GRID1: variants seen among roughly 807,000 people sequenced by gnomAD.
GRID1 encodes glutamate receptor ionotropic, delta-1.
In GRID1, 28 loss-of-function variants were observed where a neutral mutation model predicts 98.0. The observed-to-expected ratio is 0.29, with a 90% confidence interval of 0.21 to 0.39. GRID1 has a LOEUF of 0.39. Ranked by LOEUF, GRID1 falls within the 10% of genes least tolerant of loss-of-function variation. The pLI is 1.00. For missense variants in GRID1, 1,111 were observed against 1,340.5 expected, an observed-to-expected ratio of 0.83 and a Z score of 2.67; for synonymous variants, 553 against 538.5, an observed-to-expected ratio of 1.03 and a Z score of -0.37.
At position 86,334,069 on chromosome 10, in the gene GRID1, CA is replaced by C. The variant is rs199809496; in HGVS notation, c.235+29871del. On this transcript the variant is annotated intron_variant, in intron 2 of 15. Transcript: ENST00000327946. ...GCCAGGGGAAGCCCCTCACCTCCTA[CA>C]TCACTCATGGCAAAGGCTGCCTCCC... 5.8e-3 allele frequency among the ~76,000 whole-genome samples: 876 copies of C among 152,080 alleles called. 10 individuals carry two copies. Among genetic ancestry groups the C allele is most frequent in the African/African-American group, 0.02 (831 of 41,476 alleles).
At chr10:86,221,818 A>T (rs1003525440) in intron 2 of GRID1, among the ~76,000 whole-genome samples, 2 of 152,136 alleles carry the variant, frequency 1.3e-5, no homozygotes, top group Non-Finnish European at 2.9e-5. Context: ...ACCTGCTCAG[A>T]GCTTGCTTCT....
At chr10:86,248,476 T>C (rs1334729668) in intron 2 of GRID1, among the ~76,000 whole-genome samples, 1 of 152,168 alleles carries the variant, frequency 6.6e-6, no homozygotes, top group Non-Finnish European at 1.5e-5. Flanking sequence ...TTGAAAGTTT[T>C]CTTTCTGCAC....
At chr10:86,356,221 G>A (rs988731193) in intron 2 of GRID1, among the ~76,000 whole-genome samples, 3 of 152,204 alleles carry the variant, frequency 2.0e-5, no homozygotes, top group Admixed American at 6.5e-5. Context: ...GGGACAAGTC[G>A]CTGAGTACAC....
intron 2 of GRID1, among the ~76,000 whole-genome samples, chr10:86,352,620 C>T (rs1400063894): frequency 3.3e-5 from 5 of 152,302 alleles, no homozygotes; most frequent in Admixed American, 2.6e-4. Flanking sequence ...ACCCTTATGA[C>T]CCCATCTAAA....
chr10:85,994,936 C>T (rs758054076), intron 4 of GRID1, among the ~76,000 whole-genome samples: 7 of 152,212 alleles, frequency 4.6e-5, no homozygotes, highest in Non-Finnish European at 1.0e-4. Context: ...AACATTTCCA[C>T]CTGGCTGAAA....
intron 2 of GRID1, among the ~76,000 whole-genome samples, chr10:86,210,569 C>T (rs1273157579): frequency 6.6e-6 from 1 of 152,182 alleles, no homozygotes; most frequent in Non-Finnish European, 1.5e-5. Flanking sequence ...ATCTTAAGTA[C>T]TAGTAGTCAC....
chr10:85,716,568 A>T (rs960566932), intron 12 of GRID1, among the ~76,000 whole-genome samples: 1 of 150,382 alleles, frequency 6.6e-6, no homozygotes, highest in Non-Finnish European at 1.5e-5. Context: ...TAATAATAAT[A>T]AAATAAAATA....
intron 4 of GRID1, among the ~76,000 whole-genome samples, chr10:85,957,820 C>G (rs1459885123): frequency 6.6e-6 from 1 of 152,176 alleles, no homozygotes; most frequent in East Asian, 1.9e-4. Context: ...TAATGGAAAG[C>G]TAGGCTGGGG....
At chr10:85,968,369 T>C (rs975931086) in intron 4 of GRID1, among the ~76,000 whole-genome samples, 2 of 146,578 alleles carry the variant, frequency 1.4e-5, no homozygotes, top group Non-Finnish European at 3.0e-5. Context: ...GAGAATGGCA[T>C]GAACCCGGGA....
At chr10:85,957,952 G>A (rs1443440352) in intron 4 of GRID1, among the ~76,000 whole-genome samples, 2 of 152,174 alleles carry the variant, frequency 1.3e-5, no homozygotes, top group African/African-American at 2.4e-5. Flanking sequence ...CCCAAATTGA[G>A]CTACTTTTAA....
intron 4 of GRID1, among the ~76,000 whole-genome samples, chr10:86,026,306 T>C (rs1285147088): frequency 6.6e-6 from 1 of 152,174 alleles, no homozygotes; most frequent in Non-Finnish European, 1.5e-5. Flanking sequence ...AGCGCAGAAA[T>C]GCTTGCTTTC....
intron 4 of GRID1, among the ~76,000 whole-genome samples, chr10:86,093,037 A>T (rs1844170712): frequency 6.6e-6 from 1 of 152,238 alleles, no homozygotes; most frequent in African/African-American, 2.4e-5. Context: ...GCACTCTCCC[A>T]GTCTACAGTG....
rs545793727 is a variant in GRID1, at chr10:85,985,990, C to G, written c.727-69751G>C. 1.8e-4 allele frequency among the ~76,000 whole-genome samples: 28 copies of G among 152,322 alleles called. No homozygotes were observed. The South Asian group carries it at 2.9e-3, about 16-fold the overall frequency. Reference sequence around the variant, plus strand: ...AGAAGAAAAATATTAATACCCACCCCACAGGGATGTGGTGGAGACAAAGCA... The same window carrying G: ...AGAAGAAAAATATTAATACCCACCCGACAGGGATGTGGTGGAGACAAAGCA... On this transcript the variant is annotated intron_variant, in intron 4 of 15. Transcript: ENST00000327946.
At chr10:85,714,671 A>C (rs1310316545) in intron 12 of GRID1, among the ~76,000 whole-genome samples, 1 of 152,118 alleles carries the variant, frequency 6.6e-6, no homozygotes. Flanking sequence ...TCTGGTGTAT[A>C]AATTACACCA....
At chr10:86,293,755 GCATTCATTCATT>G (rs144132084) in intron 2 of GRID1, among the ~76,000 whole-genome samples, 1 of 151,798 alleles carries the variant, frequency 6.6e-6, no homozygotes, top group Non-Finnish European at 1.5e-5. Flanking sequence ...GGGGTGGAAT[GCATTCATTCATT>G]CATTCATTCA....
At chr10:86,239,311 C>T (rs1010548853) in intron 2 of GRID1, among the ~76,000 whole-genome samples, 5 of 152,206 alleles carry the variant, frequency 3.3e-5, no homozygotes, top group African/African-American at 4.8e-5. Flanking sequence ...GCCTGCACCC[C>T]CATTGTATCT....
intron 2 of GRID1, among the ~76,000 whole-genome samples, chr10:86,296,856 C>G (rs1323030384): frequency 6.6e-6 from 1 of 152,040 alleles, no homozygotes; most frequent in Non-Finnish European, 1.5e-5. Flanking sequence ...CTACTGTATT[C>G]TACACAGGCA....
At chr10:85,624,962 CAGAT>C (rs1333713693) in intron 13 of GRID1, among the ~76,000 whole-genome samples, 4 of 151,868 alleles carry the variant, frequency 2.6e-5, no homozygotes, top group Non-Finnish European at 5.9e-5. Context: ...TTTTATGTAA[CAGAT>C]AGTAATATAA....
At chr10:85,768,597 C>T (rs1233237470) in intron 8 of GRID1, among the ~76,000 whole-genome samples, 3 of 152,236 alleles carry the variant, frequency 2.0e-5, no homozygotes, top group South Asian at 2.1e-4. Flanking sequence ...TAGCCATTAA[C>T]AGAAAAGGAA....
Sources: allele counts gnomAD v4.1 joint callset (sites outside exome capture counted in the v4.1 genomes callset), GRCh38; gene constraint gnomAD v4.1.1; transcripts MANE v1.5; gene names NCBI Gene and HGNC (gene_info 2026-07-23, HGNC 2026-07-21).